The following RFTN2 variants were observed in gnomAD, a reference collection of about 807,000 sequenced individuals.
The protein encoded by RFTN2 is raftlin-2.
RFTN2 carries 34 observed loss-of-function variants against 52.7 expected under a neutral mutation model. That is an observed-to-expected ratio of 0.64 (90% CI 0.49 to 0.86). The LOEUF (loss-of-function observed/expected upper bound fraction) is 0.86, where lower values mean the gene tolerates loss of function less well. Among genes scored for constraint, RFTN2 ranks in the 40% least tolerant of loss-of-function variants. The probability of loss-of-function intolerance (pLI) is 0.00; values close to 1 mark genes in which losing one functional copy is unlikely to be tolerated. For missense variants in RFTN2, 536 were observed against 600.1 expected (o/e 0.89, Z 1.12); for synonymous variants, 203 against 217.7 (o/e 0.93, Z 0.59).
intron 3 of RFTN2, among the ~76,000 whole-genome samples, chr2:197,638,012 G>A (rs1385389376): frequency 4.7e-5 from 7 of 150,132 alleles, no homozygotes; most frequent in African/African-American, 1.7e-4. Context: ...TAGTCATTCA[G>A]GAGCAGGTTG....
rs1216387756 is a variant in RFTN2, at chr2:197,607,061, C to G, written c.1154+8815G>C. On this transcript the variant is annotated intron_variant, in intron 7 of 8. Transcript: ENST00000295049. Reference sequence around the variant, plus strand: ...TTTATTGTGGGACTATTCACAATAGCAAAGACTTGGAACCAACCCAAATGT... The same window carrying G: ...TTTATTGTGGGACTATTCACAATAGGAAAGACTTGGAACCAACCCAAATGT... Among the ~76,000 whole-genome samples the G allele has an allele frequency of 3.9e-5, 6 of 152,216 alleles. No homozygotes were observed. In the South Asian group the frequency reaches 1.0e-3, roughly 26 times the overall value.
chr2:197,664,704 G>C (rs867816241), intron 1 of RFTN2, among the ~76,000 whole-genome samples: 14 of 152,046 alleles, frequency 9.2e-5, no homozygotes, highest in Non-Finnish European at 1.2e-4. Context: ...AGGATCACTT[G>C]AGCCTGGGAG....
At chr2:197,637,348 C>T (rs1420354597) in intron 3 of RFTN2, among the ~76,000 whole-genome samples, 4 of 152,144 alleles carry the variant, frequency 2.6e-5, no homozygotes, top group East Asian at 1.9e-4. Context: ...TGGTAGAATT[C>T]GGCTGTGAAT....
At chr2:197,622,013 A>G (rs1040940845) in intron 5 of RFTN2, among the ~76,000 whole-genome samples, 1 of 152,214 alleles carries the variant, frequency 6.6e-6, no homozygotes, top group Non-Finnish European at 1.5e-5. Flanking sequence ...AGTGGTCTGG[A>G]TAGAAGATCA....
At chr2:197,605,190 T>C (rs1166655134) in intron 7 of RFTN2, among the ~76,000 whole-genome samples, 1 of 152,136 alleles carries the variant, frequency 6.6e-6, no homozygotes, top group Non-Finnish European at 1.5e-5. Flanking sequence ...CCTTTACATT[T>C]ATTCTTTTGG....
At chr2:197,588,973 C>T (rs2087645596) in intron 8 of RFTN2, among the ~76,000 whole-genome samples, 1 of 152,056 alleles carries the variant, frequency 6.6e-6, no homozygotes, top group African/African-American at 2.4e-5. Context: ...CCTGTAATCC[C>T]AGCATTTTGG....
intron 5 of RFTN2, among the ~76,000 whole-genome samples, chr2:197,624,622 GAA>G (rs1251454895): frequency 1.0e-5 from 1 of 96,650 alleles, no homozygotes. Flanking sequence ...AAAAAAAAAA[GAA>G]AGAGCCAATT....
At chr2:197,672,850 G>A (rs1409305535) in intron 1 of RFTN2, among the ~76,000 whole-genome samples, 4 of 152,262 alleles carry the variant, frequency 2.6e-5, no homozygotes, top group Admixed American at 2.0e-4. Context: ...AAAGAAAAGT[G>A]TGGGGAAGGG....
intron 1 of RFTN2, among the ~76,000 whole-genome samples, chr2:197,647,380 T>A (rs1371791339): frequency 6.6e-6 from 1 of 152,088 alleles, no homozygotes; most frequent in African/African-American, 2.4e-5. Flanking sequence ...CGGCTGAGTT[T>A]TGTATTTTTT....
intron 4 of RFTN2, among the ~76,000 whole-genome samples, chr2:197,631,642 GTTTAT>G (rs1333488310): frequency 6.6e-6 from 1 of 152,044 alleles, no homozygotes; most frequent in Non-Finnish European, 1.5e-5. Context: ...GATCTTATTC[GTTTAT>G]TTTAACTGCT....
chr2:197,588,189 C>A (rs1482700992), intron 8 of RFTN2, among the ~76,000 whole-genome samples: 1 of 152,156 alleles, frequency 6.6e-6, no homozygotes, highest in East Asian at 1.9e-4. Context: ...ACTGTTAAAA[C>A]CTCGGCATAT....
At chr2:197,587,230 A>G (rs1357102020) in intron 8 of RFTN2, among the ~76,000 whole-genome samples, 1 of 152,036 alleles carries the variant, frequency 6.6e-6, no homozygotes, top group African/African-American at 2.4e-5. Flanking sequence ...CGCTGCCCCT[A>G]ATCCTGCTTG....
chr2:197,667,550 G>T (rs1238995275), intron 1 of RFTN2, among the ~76,000 whole-genome samples: 2 of 152,194 alleles, frequency 1.3e-5, no homozygotes, highest in Admixed American at 6.5e-5. Flanking sequence ...TGCATCTGGT[G>T]TAACAGCCAC....
chr2:197,628,976 C>T (rs919424657), intron 5 of RFTN2, among the ~76,000 whole-genome samples: 2 of 152,118 alleles, frequency 1.3e-5, no homozygotes, highest in African/African-American at 4.8e-5. Context: ...TTTGCTATTG[C>T]TATAAAAGAC....
chr2:197,651,098 CA>C (rs1168962103), intron 1 of RFTN2, among the ~76,000 whole-genome samples: 1 of 152,148 alleles, frequency 6.6e-6, no homozygotes, highest in Non-Finnish European at 1.5e-5. Context: ...ACCCTTTGCT[CA>C]TTTAAAAATT....
At chr2:197,583,624 C>T (rs1553598734) in intron 8 of RFTN2, among the ~76,000 whole-genome samples, 3 of 139,738 alleles carry the variant, frequency 2.1e-5, no homozygotes, top group African/African-American at 5.3e-5. Context: ...GACAGTACTT[C>T]TTTTTTTTTT....
intron 7 of RFTN2, among the ~76,000 whole-genome samples, chr2:197,610,191 G>A (rs1481490850): frequency 9.9e-5 from 15 of 152,092 alleles, no homozygotes; most frequent in Admixed American, 1.3e-4. Flanking sequence ...CATCGAATCT[G>A]TAAATTACCT....
intron 5 of RFTN2, among the ~76,000 whole-genome samples, chr2:197,621,457 C>T (rs1173392613): frequency 2.2e-5 from 3 of 136,050 alleles, no homozygotes; most frequent in African/African-American, 8.4e-5. Context: ...TTGAACAAGT[C>T]TATTAGTGCC....
chr2:197,603,176 G>A (rs1248733476), intron 7 of RFTN2, among the ~76,000 whole-genome samples: 4 of 152,200 alleles, frequency 2.6e-5, no homozygotes, highest in African/African-American at 9.6e-5. Flanking sequence ...ATACATGCAC[G>A]TTGTGCACAT....
Sources: gnomAD v4.1 joint callset for allele counts (sites outside exome capture counted in the v4.1 genomes callset) on GRCh38, gnomAD v4.1.1 for gene constraint, MANE v1.5 for transcripts, NCBI Gene and HGNC (gene_info 2026-07-23, HGNC 2026-07-21) for gene names.